DNAJC1: variants seen among roughly 807,000 people sequenced by gnomAD.
The protein encoded by DNAJC1 is dnaJ homolog subfamily C member 1.
DNAJC1 carries 58 observed loss-of-function variants against 76.6 expected under a neutral mutation model. That is an observed-to-expected ratio of 0.76 (90% CI 0.61 to 0.94). The LOEUF is 0.94. Among genes scored for constraint, DNAJC1 ranks in the 40% least tolerant of loss-of-function variants. DNAJC1 has a pLI of 0.00. For missense variants in DNAJC1, 689 were observed against 677.3 expected (o/e 1.02, Z -0.19); for synonymous variants, 258 against 267.9 (o/e 0.96, Z 0.36).
chr10:21,848,386 C>T (rs1835694596), intron 8 of DNAJC1, among the ~76,000 whole-genome samples: 1 of 152,124 alleles, frequency 6.6e-6, no homozygotes, highest in Non-Finnish European at 1.5e-5. Context: ...TATTTTCCTC[C>T]ATTCCATAGG....
intron 1 of DNAJC1, among the ~76,000 whole-genome samples, chr10:21,968,711 C>T (rs1312343352): frequency 6.6e-6 from 1 of 151,950 alleles, no homozygotes; most frequent in Admixed American, 6.6e-5. Flanking sequence ...AGGGTTTCAC[C>T]GTGTTAGCCA....
intron 1 of DNAJC1, among the ~76,000 whole-genome samples, chr10:21,936,757 G>A (rs971240655): frequency 7.3e-5 from 11 of 151,602 alleles, no homozygotes; most frequent in Middle Eastern, 3.4e-3. Context: ...TAATTCCCAT[G>A]GCAAAAACTA....
At chr10:21,783,991 G>A (rs999595796) in intron 9 of DNAJC1, among the ~76,000 whole-genome samples, 91 of 152,218 alleles carry the variant, frequency 6.0e-4, no homozygotes, top group African/African-American at 2.1e-3. Context: ...CACAGGCATG[G>A]GCAAGGACTT....
chr10:21,931,427 T>A (rs1367258566), intron 1 of DNAJC1, among the ~76,000 whole-genome samples: 1 of 152,234 alleles, frequency 6.6e-6, no homozygotes. Context: ...AAGATTTTCT[T>A]ATCTACAAAG....
chr10:21,925,224 C>T (rs1488346760), intron 3 of DNAJC1, among the ~76,000 whole-genome samples: 2 of 152,164 alleles, frequency 1.3e-5, no homozygotes, highest in Middle Eastern at 3.4e-3. Flanking sequence ...GTTGCCAGGG[C>T]TGGTCTCAAA....
intron 7 of DNAJC1, 47 bp downstream of exon 7, chr10:21,904,475 A>C: frequency 8.4e-7 from 1 of 1,196,764 alleles, no homozygotes. Flanking sequence ...ACATTTAAAT[A>C]ATTAATTTTA....
rs1201250094 is a variant in DNAJC1 at position 21,949,411 on chromosome 10, CT to C, written c.223-20271del. On this transcript the variant is annotated intron_variant, in intron 1 of 11. Coordinates refer to ENST00000376980, the MANE Select transcript of DNAJC1 (RefSeq NM_022365.4). The stretch of plus-strand genomic sequence containing the variant: ...TTCCCCCTCCCCCCACCCCCTTCTT[CT>C]TTTTTTTTTTTTTTTTTTTTGAGAT... Among the ~76,000 whole-genome samples, 596 of 70,176 alleles carry C rather than the reference CT, an allele frequency of 8.5e-3. 3 individuals are homozygous for C. Among genetic ancestry groups the C allele is most frequent in the African/African-American group, 0.025 (477 of 18,870 alleles). 46.0% of individuals were successfully genotyped at this position (70,176 alleles called of 152,430 possible). A position where few individuals can be genotyped will look rare whatever the true frequency, so the allele number is the denominator to read the frequency against.
At chr10:21,996,684 T>C (rs1564848712) in intron 1 of DNAJC1, among the ~76,000 whole-genome samples, 1 of 152,040 alleles carries the variant, frequency 6.6e-6, no homozygotes, top group Admixed American at 6.6e-5. Flanking sequence ...GAGAATAGCA[T>C]AAAAGGAAAA....
intron 9 of DNAJC1, among the ~76,000 whole-genome samples, chr10:21,797,410 G>C (rs1834761561): frequency 6.6e-6 from 1 of 152,058 alleles, no homozygotes; most frequent in Admixed American, 6.6e-5. Context: ...TCTTTCTCAA[G>C]GTTGTTCTAG....
chr10:21,904,099 T>C (rs570670882), intron 7 of DNAJC1, among the ~76,000 whole-genome samples: 87 of 152,334 alleles, frequency 5.7e-4, no homozygotes, highest in African/African-American at 2.0e-3. Context: ...TATATAACAA[T>C]ATTGCAAATT....
chr10:21,773,701 T>C (rs1834417531), intron 9 of DNAJC1, among the ~76,000 whole-genome samples: 1 of 152,180 alleles, frequency 6.6e-6, no homozygotes, highest in Admixed American at 6.5e-5. Context: ...ATTCTGTCAG[T>C]TTTTGCATTA....
chr10:21,926,277 T>TA (rs1201240759), intron 3 of DNAJC1, among the ~76,000 whole-genome samples: 1 of 151,350 alleles, frequency 6.6e-6, no homozygotes, highest in African/African-American at 2.4e-5. Flanking sequence ...TTTTTTTTTT[T>TA]AACTAAAAGT....
chr10:21,835,387 C>A (rs1359480333), intron 8 of DNAJC1, among the ~76,000 whole-genome samples: 1 of 152,134 alleles, frequency 6.6e-6, no homozygotes, highest in Non-Finnish European at 1.5e-5. Flanking sequence ...AAAAACAGAG[C>A]AGAAAAACTG....
At chr10:21,889,229 T>C (rs549902441) in intron 7 of DNAJC1, among the ~76,000 whole-genome samples, 1 of 152,118 alleles carries the variant, frequency 6.6e-6, no homozygotes, top group Non-Finnish European at 1.5e-5. Flanking sequence ...GAGGAGCTGC[T>C]ACACGCTTTT....
chr10:21,984,983 T>C (rs1201558359), intron 1 of DNAJC1, among the ~76,000 whole-genome samples: 1 of 152,334 alleles, frequency 6.6e-6, no homozygotes, highest in East Asian at 1.9e-4. Flanking sequence ...TAAGTTCTTT[T>C]ACAGACTAAT....
At chr10:21,870,451 G>A (rs1347921995) in intron 8 of DNAJC1, among the ~76,000 whole-genome samples, 1 of 152,064 alleles carries the variant, frequency 6.6e-6, no homozygotes. Flanking sequence ...CAAAAGGCTT[G>A]CAGCATCATG....
chr10:21,896,382 C>T (rs1448593389), intron 7 of DNAJC1, among the ~76,000 whole-genome samples: 2 of 152,174 alleles, frequency 1.3e-5, no homozygotes, highest in East Asian at 3.8e-4. Flanking sequence ...TATTCTCAGG[C>T]CTCAAAAATT....
At chr10:21,889,754 C>T (rs143042780) in intron 7 of DNAJC1, among the ~76,000 whole-genome samples, 2 of 152,228 alleles carry the variant, frequency 1.3e-5, no homozygotes, top group East Asian at 1.9e-4. Context: ...AAAACAAAAG[C>T]CTGCTCTCTC....
chr10:21,813,216 CTCTCTATATA>C (rs1335717122), intron 8 of DNAJC1, among the ~76,000 whole-genome samples: 31 of 35,548 alleles, frequency 8.7e-4, no homozygotes, highest in East Asian at 4.0e-3. Context: ...CTCTCTCTCT[CTCTCTATATA>C]TATATATATA....
Sources: allele counts gnomAD v4.1 joint callset (sites outside exome capture counted in the v4.1 genomes callset), GRCh38; gene constraint gnomAD v4.1.1; transcripts MANE v1.5; gene names NCBI Gene and HGNC (gene_info 2026-07-23, HGNC 2026-07-21).